Variants in TRIT1 observed in about 807,000 individuals in gnomAD.
TRIT1 encodes tRNA isopentenyltransferase 1.
TRIT1 carries 43 observed loss-of-function variants against 51.2 expected under a neutral mutation model. That is an observed-to-expected ratio of 0.84 (90% confidence interval 0.66 to 1.08). The LOEUF is 1.08. Among genes scored for constraint, TRIT1 ranks in the 50% least tolerant of loss-of-function variants. The pLI is 0.00. For missense variants in TRIT1, 528 were observed against 578.4 expected (o/e 0.91, Z 0.89); for synonymous variants, 184 against 203.9 (o/e 0.90, Z 0.83).
Position 39,839,998 on chromosome 1 carries a change from C to T in TRIT1, c.*1746G>A, listed in dbSNP as rs1446971359. 6.6e-6 allele frequency among the ~76,000 whole-genome samples: 1 copy of T among 152,188 alleles called. No individual in the cohort carries two copies. Among genetic ancestry groups the T allele is most frequent in the African/African-American group, 2.4e-5 (1 of 41,450 alleles). Reference sequence around the variant, plus strand: ...ACAGTGCTTAATAGCTTGAGTCTACCAGCCTCACCTCAATTCCAGCTCTAC... The same window carrying T: ...ACAGTGCTTAATAGCTTGAGTCTACTAGCCTCACCTCAATTCCAGCTCTAC... On this transcript the variant is annotated 3_prime_UTR_variant, in exon 11 of 11. Coordinates refer to ENST00000316891, the MANE Select transcript of TRIT1 (RefSeq NM_017646.6).
chr1:39,870,373 G>A (rs1162453161), intron 1 of TRIT1, among the ~76,000 whole-genome samples: 6 of 151,878 alleles, frequency 4.0e-5, no homozygotes, highest in Non-Finnish European at 8.8e-5. Flanking sequence ...CAAACACTGC[G>A]GAAGGCCGCA....
intron 1 of TRIT1, among the ~76,000 whole-genome samples, chr1:39,876,528 G>GTATATATCTATC (rs143110843): frequency 0.038 from 4,838 of 127,466 alleles, 118 homozygotes; most frequent in East Asian, 0.044. Context: ...ATTTATATGT[G>GTATATATCTATC]TATCTATCTA....
At chr1:39,846,280 C>T (rs889073869) in intron 8 of TRIT1, among the ~76,000 whole-genome samples, 2 of 152,272 alleles carry the variant, frequency 1.3e-5, no homozygotes, top group East Asian at 1.9e-4. Flanking sequence ...TTCAGAGGCA[C>T]CGAGTGGGGC....
intron 1 of TRIT1, among the ~76,000 whole-genome samples, chr1:39,876,550 ATC>A (rs1047094137): frequency 9.4e-5 from 14 of 148,590 alleles, no homozygotes; most frequent in African/African-American, 3.2e-4. Context: ...CTATCTATCT[ATC>A]TATCTATATA....
chr1:39,875,087 A>G (rs760764447), intron 1 of TRIT1, among the ~76,000 whole-genome samples: 1 of 152,138 alleles, frequency 6.6e-6, no homozygotes, highest in Non-Finnish European at 1.5e-5. Context: ...ATGGTTACCT[A>G]TTCTCTCCAG....
chr1:39,871,590 A>G (rs1643885374), intron 1 of TRIT1, among the ~76,000 whole-genome samples: 1 of 152,222 alleles, frequency 6.6e-6, no homozygotes, highest in Admixed American at 6.5e-5. Context: ...CAATCAATCA[A>G]TCAATCTACC....
intron 8 of TRIT1, among the ~76,000 whole-genome samples, chr1:39,846,096 A>G (rs545154670): frequency 5.9e-5 from 9 of 152,378 alleles, no homozygotes; most frequent in African/African-American, 1.9e-4. Flanking sequence ...TCAACTTCAG[A>G]TGACACTAAG....
rs191029052 is a variant in TRIT1 at position 39,846,800 on chromosome 1, G to A, written c.1006+420C>T. On this transcript the variant is annotated intron_variant, in intron 8 of 10. Coordinates refer to ENST00000316891, the MANE Select transcript of TRIT1 (RefSeq NM_017646.6). ...GCAATCTGAAGCACCATGTGGAGAC[G>A]CTGGGAGAAATGGTGAAGGTGTCTT... 1.7e-3 allele frequency among the ~76,000 whole-genome samples: 264 copies of A among 152,268 alleles called. 1 individual carries two copies. The highest frequency in any genetic ancestry group is 1.1e-3 in the Non-Finnish European group (76 of 68,022).
intron 1 of TRIT1, among the ~76,000 whole-genome samples, chr1:39,873,296 A>G (rs1053765538): frequency 3.9e-5 from 6 of 152,254 alleles, no homozygotes; most frequent in Non-Finnish European, 8.8e-5. Context: ...TCATACTTTG[A>G]TATGATCCAA....
intron 8 of TRIT1, among the ~76,000 whole-genome samples, chr1:39,846,843 G>A (rs916819144): frequency 6.6e-6 from 1 of 151,942 alleles, no homozygotes. Flanking sequence ...AACTCATCTG[G>A]CCCCCCAAAA....
chr1:39,879,489 T>C (rs1427535566), intron 1 of TRIT1, among the ~76,000 whole-genome samples: 1 of 151,582 alleles, frequency 6.6e-6, no homozygotes, highest in African/African-American at 2.4e-5. Flanking sequence ...ATTTTAAATA[T>C]ATATATATAT....
intron 4 of TRIT1, among the ~76,000 whole-genome samples, chr1:39,851,723 G>A (rs780261063): frequency 7.2e-5 from 11 of 151,794 alleles, no homozygotes; most frequent in East Asian, 1.9e-4. Context: ...CAGGAGGATC[G>A]CTTGAGCCTA....
chr1:39,883,203 T>C (rs1644316394), intron 1 of TRIT1, 115 bp downstream of exon 1: 4 of 1,150,582 alleles, frequency 3.5e-6, no homozygotes, highest in Non-Finnish European at 4.8e-6. Flanking sequence ...GGGCTCCCTT[T>C]ACCTACCCCC....
At position 39,841,763 on chromosome 1, in the gene TRIT1, T is replaced by C. The variant is rs1035490091; in HGVS notation, c.1385A>G (p.Glu462Gly). 3 of 1,612,272 alleles carry C rather than the reference T, an allele frequency of 1.9e-6. No individual in the cohort carries two copies. Among genetic ancestry groups the C allele is most frequent in the Non-Finnish European group, 2.5e-6 (3 of 1,179,462 alleles). Residue 462 changes from glutamate (E) to glycine (G), a missense_variant, in exon 11 of 11, where the codon GAG (glutamate) becomes GGG (glycine). By Grantham distance (98) the Glu-to-Gly change is moderately conservative (BLOSUM62 -2). Coordinates refer to ENST00000316891, the MANE Select transcript of TRIT1 (RefSeq NM_017646.6). ...EKGSPGQNDQELKCSV is the reference protein window; with the variant it reads ...EKGSPGQNDQGLKCSV ...TGTCTCTTAAACGCTGCATTTCAGC[T>C]CTTGATCATTCTGCCCTGGGGATCC...
At chr1:39,882,123 G>C (rs548558102) in intron 1 of TRIT1, among the ~76,000 whole-genome samples, 5 of 152,336 alleles carry the variant, frequency 3.3e-5, no homozygotes, top group African/African-American at 1.2e-4. Context: ...AAGAAACAAA[G>C]GCATGAAGAG....
rs1348108363 is a variant in TRIT1, at chr1:39,847,831, GA to G, written c.815+154del. The G allele has an allele frequency of 3.5e-6, 5 of 1,408,792 alleles. No individual in the cohort carries two copies. In the East Asian group the frequency reaches 1.2e-4, roughly 34 times the overall value. 87.3% of individuals were successfully genotyped at this position (1,408,792 alleles called of 1,614,324 possible). On this transcript the variant is annotated intron_variant, in intron 6 of 10. Coordinates refer to ENST00000316891, the MANE Select transcript of TRIT1 (RefSeq NM_017646.6). ...CCCCTACCCACCAGGTTACTTTCTT[GA>G]AAAGTTAACTCCTGGGACTGTCTGA...
chr1:39,855,022 AT>A (rs979665021), intron 2 of TRIT1, among the ~76,000 whole-genome samples: 7 of 152,062 alleles, frequency 4.6e-5, no homozygotes, highest in African/African-American at 1.7e-4. Context: ...TAATTTTTGT[AT>A]TTTTTGTAGA....
intron 1 of TRIT1, among the ~76,000 whole-genome samples, chr1:39,880,268 TAAAAAAA>T (rs1553148795): frequency 4.1e-4 from 39 of 94,892 alleles, no homozygotes; most frequent in Admixed American, 3.9e-3. Flanking sequence ...AGACCTCAAA[TAAAAAAA>T]AAAAAAAAAA....
At chr1:39,872,760 C>CAT (rs1217864392) in intron 1 of TRIT1, among the ~76,000 whole-genome samples, 1 of 130,602 alleles carries the variant, frequency 7.7e-6, no homozygotes, top group Non-Finnish European at 1.6e-5. Context: ...TAAACACACA[C>CAT]ACACACACAC....
Sources: gnomAD v4.1 joint callset for allele counts (sites outside exome capture counted in the v4.1 genomes callset) on GRCh38, gnomAD v4.1.1 for gene constraint, MANE v1.5 for transcripts, NCBI Gene and HGNC (gene_info 2026-07-23, HGNC 2026-07-21) for gene names.